Variants in RSPO1 observed in about 807,000 individuals in gnomAD.
RSPO1 encodes the protein R-spondin 1, also known as R-spondin-1.
RSPO1 carries 18 observed loss-of-function variants against 26.0 expected under a neutral mutation model. The observed-to-expected ratio is 0.69, with a 90% CI of 0.48 to 1.03. RSPO1 has a LOEUF of 1.03. Ranked by LOEUF, RSPO1 falls within the 50% of genes least tolerant of loss-of-function variation. The probability of loss-of-function intolerance (pLI) is 0.00; values close to 1 mark genes in which losing one functional copy is unlikely to be tolerated. For synonymous variants in RSPO1, 133 were observed against 137.4 expected (o/e 0.97, Z 0.22); for missense variants, 309 against 352.3 (o/e 0.88, Z 0.98).
At chr1:37,624,101 A>G (rs1644243379) in intron 3 of RSPO1, among the ~76,000 whole-genome samples, 1 of 152,016 alleles carries the variant, frequency 6.6e-6, no homozygotes, top group Non-Finnish European at 1.5e-5. Flanking sequence ...GACCAATGGA[A>G]GGGCATCGTT....
At chr1:37,630,030 C>T (rs1269313052) in intron 2 of RSPO1, 81 bp from the exon 3 acceptor site, 1 of 685,812 alleles carries the variant, frequency 1.5e-6, no homozygotes, top group East Asian at 2.7e-5. Flanking sequence ...ACCCAGAAGA[C>T]TGGGAGCTCA....
chr1:37,622,240 C>A (rs72659426), intron 3 of RSPO1, among the ~76,000 whole-genome samples: 6,246 of 152,274 alleles, frequency 0.041, 181 homozygotes, highest in Non-Finnish European at 0.063. Flanking sequence ...GTGAGCCCAA[C>A]CTGGTGGTGG....
At position 37,634,133 on chromosome 1, in the gene RSPO1, A is replaced by T. The variant is rs1557443180; in HGVS notation, c.-356+433T>A. Reference sequence around the variant, plus strand: ...GGGGCCGCAGCGCATGCCGCCTGCCACGTCGAACCCAGGCCCAGGCTGCGG... The same window carrying T: ...GGGGCCGCAGCGCATGCCGCCTGCCTCGTCGAACCCAGGCCCAGGCTGCGG... On this transcript the variant is annotated intron_variant, in intron 1 of 6. Transcript: ENST00000356545. This position sits in a 1 kb window ranked among gnomAD's most constrained non-coding sequence, Gnocchi z 4.7. 6.6e-6 allele frequency among the ~76,000 whole-genome samples: 1 copy of T among 152,150 alleles called. No homozygotes were observed. The highest frequency in any genetic ancestry group is 1.5e-5 in the Non-Finnish European group (1 of 68,018).
At position 37,613,060 on chromosome 1, in the gene RSPO1, G is replaced by T. The variant is rs1644050716; in HGVS notation, c.626-139C>A. The T allele has an allele frequency of 1.1e-6, 1 of 936,864 alleles. No individual in the cohort carries two copies. Among genetic ancestry groups the T allele is most frequent in the Non-Finnish European group, 1.7e-6 (1 of 599,204 alleles). The allele number at this position is 936,864 out of a possible 1,614,324, so 58.0% of individuals were successfully genotyped here. On this transcript the variant is annotated intron_variant, in intron 6 of 6. Coordinates refer to ENST00000356545, the MANE Select transcript of RSPO1 (RefSeq NM_001242908.2). The surrounding 1 kb of genome is among the most constrained non-coding windows in gnomAD (Gnocchi z 4.5). The stretch of plus-strand genomic sequence containing the variant: ...AGGCTGGAGATGCTGCCTCTAGGTA[G>T]TTGGGTCATCGTGACCTCCTCTGAC...
At position 37,629,583 on chromosome 1, in the gene RSPO1, T is replaced by C; in HGVS notation, c.79A>G (p.Lys27Glu). The change falls in exon 3 of 7, where the codon AAA (lysine) becomes GAA (glutamate). Residue 27 changes from lysine to glutamate, a missense_variant. Transcript: ENST00000356545. The part of the protein sequence containing the change: ...LTISSRGIKG[K>E]RQRRISAEGS... ...CATTACTCACTCCGCCTCTGCCTTT[T>C]CCCCTTGATCCCCCGGCTGCTGATG... 7 of 1,614,130 alleles carry C rather than the reference T, an allele frequency of 4.3e-6. No individual in the cohort carries two copies. Among genetic ancestry groups the C allele is most frequent in the Non-Finnish European group, 5.9e-6 (7 of 1,180,014 alleles).
At chr1:37,621,768 T>A (rs1205241702) in intron 3 of RSPO1, among the ~76,000 whole-genome samples, 2 of 149,684 alleles carry the variant, frequency 1.3e-5, no homozygotes, top group Non-Finnish European at 2.9e-5. Flanking sequence ...GAGTTCTTTT[T>A]TCTTTTTTCT....
Position 37,629,554 on chromosome 1 carries a change from G to T in RSPO1, c.94+14C>A. On this transcript the variant is annotated intron_variant, in intron 3 of 6. Coordinates refer to ENST00000356545, the MANE Select transcript of RSPO1 (RefSeq NM_001242908.2). ...CCCAAGGCCAGCTGTGGCCCACCAT[G>T]CTCCATTACTCACTCCGCCTCTGCC... 6.2e-7 allele frequency: 1 copy of T among 1,612,132 alleles called. No individual in the cohort carries two copies. The highest frequency in any genetic ancestry group is 8.5e-7 in the Non-Finnish European group (1 of 1,178,224).
At chr1:37,625,985 G>A (rs1012816761) in intron 3 of RSPO1, among the ~76,000 whole-genome samples, 2 of 152,134 alleles carry the variant, frequency 1.3e-5, no homozygotes, top group Non-Finnish European at 2.9e-5. Flanking sequence ...GCCAGACCCA[G>A]GATTCTTTAG....
chr1:37,633,063 T>G (rs1299926180), intron 1 of RSPO1, among the ~76,000 whole-genome samples: 1 of 152,194 alleles, frequency 6.6e-6, no homozygotes, highest in Non-Finnish European at 1.5e-5. Flanking sequence ...GGGTGAGGGA[T>G]TCACACTTGT....
At chr1:37,616,942 C>T (rs1644123247) in intron 3 of RSPO1, among the ~76,000 whole-genome samples, 1 of 152,198 alleles carries the variant, frequency 6.6e-6, no homozygotes, top group African/African-American at 2.4e-5. Flanking sequence ...AGGCTGGCTC[C>T]ACCATCCCCA....
intron 3 of RSPO1, among the ~76,000 whole-genome samples, chr1:37,619,894 C>T (rs535553176): frequency 6.6e-6 from 1 of 151,968 alleles, no homozygotes; most frequent in African/African-American, 2.4e-5. Flanking sequence ...ATTACAGGCA[C>T]CTGCCACCAT....
At chr1:37,617,761 A>G (rs1328464954) in intron 3 of RSPO1, among the ~76,000 whole-genome samples, 2 of 150,176 alleles carry the variant, frequency 1.3e-5, no homozygotes, top group South Asian at 2.1e-4. Context: ...GATCTCACTT[A>G]CTTGTTTAAT....
chr1:37,628,394 T>C (rs1427948103), intron 3 of RSPO1, among the ~76,000 whole-genome samples: 1 of 152,240 alleles, frequency 6.6e-6, no homozygotes, highest in Non-Finnish European at 1.5e-5. Context: ...CTTCTCTCCC[T>C]GGGCTGAGTC....
At chr1:37,616,777 C>G (rs1644120325) in intron 3 of RSPO1, 102 bp from the exon 4 acceptor site, 5 of 1,118,294 alleles carry the variant, frequency 4.5e-6, no homozygotes, top group South Asian at 1.3e-5. Flanking sequence ...TTTCCTTCCA[C>G]AGAAGGAATA....
In RSPO1 at chr1:37,612,688, GA is replaced by G; in HGVS notation, c.*66del. The G allele has an allele frequency of 1.9e-5, 29 of 1,557,774 alleles. No homozygotes were observed. Among genetic ancestry groups the G allele is most frequent in the Non-Finnish European group, 2.5e-5 (29 of 1,140,920 alleles). ...CTTTGCCCCCGACGTTCCAGTTCAGGAAAGCTTGAATCACGCAGAGTAGCAC... is the reference window on the plus strand; with the variant it reads ...CTTTGCCCCCGACGTTCCAGTTCAGGAAGCTTGAATCACGCAGAGTAGCAC... On this transcript the variant is annotated 3_prime_UTR_variant, in exon 7 of 7. Coordinates refer to ENST00000356545, the MANE Select transcript of RSPO1 (RefSeq NM_001242908.2).
rs550761009 is a variant in RSPO1, at chr1:37,630,647, C to T, written c.-288-698G>A. The stretch of plus-strand genomic sequence containing the variant: ...GAGCCAGGTCTCTGGACCCGCTGGC[C>T]GGCTGGGGTGATGGGGGCAGGGGAG... On this transcript the variant is annotated intron_variant, in intron 2 of 6. Transcript: ENST00000356545. Among the ~76,000 whole-genome samples the T allele has an allele frequency of 7.2e-5, 11 of 152,318 alleles. No homozygotes were observed. In the South Asian group the frequency reaches 1.0e-3, roughly 14 times the overall value.
At chr1:37,630,282 T>C (rs2148185310) in intron 2 of RSPO1, among the ~76,000 whole-genome samples, 1 of 152,270 alleles carries the variant, frequency 6.6e-6, no homozygotes, top group African/African-American at 2.4e-5. Context: ...AAGTCTACCC[T>C]ACAGACCTCA....
chr1:37,632,524 A>G (rs895066532), intron 1 of RSPO1, among the ~76,000 whole-genome samples, 171 bp from the exon 2 acceptor site: 1 of 152,154 alleles, frequency 6.6e-6, no homozygotes, highest in African/African-American at 2.4e-5. Context: ...CAAATGACAT[A>G]TATGATTGAA....
chr1:37,620,162 G>A (rs1289405572), intron 3 of RSPO1, among the ~76,000 whole-genome samples: 3 of 152,190 alleles, frequency 2.0e-5, no homozygotes, highest in Admixed American at 2.0e-4. Context: ...CCCAGGGTAG[G>A]ACAATATGAG....
Sources: gnomAD v4.1 joint callset for allele counts (sites outside exome capture counted in the v4.1 genomes callset) on GRCh38, gnomAD v4.1.1 for gene constraint, Gnocchi (gnomAD v3.1) non-coding constraint, MANE v1.5 for transcripts, NCBI Gene and HGNC (gene_info 2026-07-23, HGNC 2026-07-21) for gene names.